Variants in GPAM observed in about 807,000 individuals in gnomAD.
The protein encoded by GPAM is glycerol-3-phosphate acyltransferase 1, mitochondrial.
A neutral mutation model predicts 105.0 loss-of-function variants in GPAM; 56 were observed. The observed-to-expected ratio is 0.53, with a 90% confidence interval of 0.43 to 0.67. The LOEUF is 0.67. Ranked by LOEUF, GPAM falls within the 30% of genes least tolerant of loss-of-function variation. GPAM has a pLI of 0.00. For synonymous variants in GPAM, 368 were observed against 354.4 expected (o/e 1.04, Z -0.43); for missense variants, 855 against 989.8 (o/e 0.86, Z 1.83).
rs1336634969 is a variant in GPAM, at chr10:112,155,739, G to GTAA, written c.2311+122_2311+124dup. On this transcript the variant is annotated intron_variant, in intron 20 of 21. Transcript: ENST00000348367. ...ATATAACATGCCAAAGAAGATAATAGTAATACTCTACGGTGTTAGAGGTCA... is the reference window on the plus strand; with the variant it reads ...ATATAACATGCCAAAGAAGATAATAGTAATAATACTCTACGGTGTTAGAGGTCA... 3 of 638,196 alleles carry GTAA rather than the reference G, an allele frequency of 4.7e-6. No homozygotes were observed. In the African/African-American group the frequency reaches 5.6e-5, roughly 12 times the overall value. The allele number at this position is 638,196 out of a possible 1,614,324, so 39.5% of individuals were successfully genotyped here.
chr10:112,168,907 G>A lies in GPAM; in HGVS notation c.840C>T (p.Leu280=), dbSNP rs1402835901. Residue 280 remains leucine (L), a synonymous_variant, in exon 10 of 22, where the codon CTC becomes CTT. Coordinates refer to ENST00000348367, the MANE Select transcript of GPAM (RefSeq NM_001244949.2). ...KLGGFFIRRR[L]DETPDGRKDV... ...CTTTCCGTCCATCTGGTGTTTCATC[G>A]AGCCTTCGTCGTATGAAGAAGCCCC... 1.1e-5 allele frequency: 17 copies of A among 1,612,252 alleles called. No individual in the cohort carries two copies. In the East Asian group the frequency reaches 2.9e-4, roughly 27 times the overall value.
chr10:112,202,617 A>G (rs1186448886), intron 1 of GPAM, among the ~76,000 whole-genome samples: 1 of 152,224 alleles, frequency 6.6e-6, no homozygotes. Flanking sequence ...TTCCATTCGC[A>G]TTGTAGTTAT....
rs551020802 is a variant in GPAM at position 112,157,562 on chromosome 10, G to A, written c.1981-173C>T. ...CAAACTCAAACTCAGTCAGGAGACA[G>A]CAGGAGACAAAAGAAAGGGCAGGTG... On this transcript the variant is annotated intron_variant, in intron 18 of 21. Coordinates refer to ENST00000348367, the MANE Select transcript of GPAM (RefSeq NM_001244949.2). Among the ~76,000 whole-genome samples, 3 of 152,294 alleles carry A rather than the reference G, an allele frequency of 2.0e-5. 1 individual carries two copies. In the South Asian group the frequency reaches 6.2e-4, roughly 32 times the overall value.
chr10:112,165,353 T>G (rs1847195706), intron 12 of GPAM, among the ~76,000 whole-genome samples: 2 of 152,204 alleles, frequency 1.3e-5, no homozygotes, highest in Admixed American at 6.5e-5. Flanking sequence ...TACTGGATTC[T>G]ACACAATAGG....
chr10:112,177,066 C>T (rs897564436), intron 5 of GPAM, among the ~76,000 whole-genome samples: 6 of 152,010 alleles, frequency 3.9e-5, no homozygotes, highest in African/African-American at 1.2e-4. Flanking sequence ...ACCAAAGTCT[C>T]TCCCCTCTTT....
At chr10:112,175,439 C>G (rs1387178660) in intron 6 of GPAM, among the ~76,000 whole-genome samples, 161 bp downstream of exon 6, 1 of 152,188 alleles carries the variant, frequency 6.6e-6, no homozygotes, top group Admixed American at 6.5e-5. Flanking sequence ...TCCTGCCTTT[C>G]TTTAGTTTCC....
Position 112,168,386 on chromosome 10 carries a change from G to A in GPAM, c.1033C>T (p.Pro345Ser), listed in dbSNP as rs1001831797. 6.2e-7 allele frequency: 1 copy of A among 1,609,838 alleles called. No individual in the cohort carries two copies. Among genetic ancestry groups the A allele is most frequent in the Non-Finnish European group, 8.5e-7 (1 of 1,176,104 alleles). ...VVDTLSTNVI[P>S]DILIIPVGIS... ...CCAACAGGTATTATCAAGATGTCTG[G>A]GATGACATTGGTAGACAGAGTATCT... is the stretch of plus-strand genomic sequence containing the variant. The change falls in exon 11 of 22, where the codon CCA (proline) becomes TCA (serine). Residue 345 changes from proline to serine, a missense_variant. Pro to Ser is a moderately conservative substitution (Grantham distance 74, BLOSUM62 -1). Transcript: ENST00000348367.
At chr10:112,168,597 C>A in intron 10 of GPAM, 73 bp from the exon 11 acceptor site, 2 of 1,062,302 alleles carry the variant, frequency 1.9e-6, no homozygotes, top group Admixed American at 1.8e-5. Context: ...AAAATTAAAT[C>A]TTTAAAAGCA....
In GPAM at chr10:112,163,920, T is replaced by G. The variant is rs1847169834; in HGVS notation, c.1308-104A>C. The G allele has an allele frequency of 4.3e-6, 3 of 705,536 alleles. No individual in the cohort carries two copies. In the Admixed American group the frequency reaches 6.1e-5, roughly 14 times the overall value. 43.7% of individuals were successfully genotyped at this position (705,536 alleles called of 1,614,324 possible). On this transcript the variant is annotated intron_variant, in intron 13 of 21. Coordinates refer to ENST00000348367, the MANE Select transcript of GPAM (RefSeq NM_001244949.2). ...TTAGATACTTTAAATTACTATATAT[T>G]TTAAATTTAAACCACAAACAGATTA...
chr10:112,226,388 GA>G, the GPAM span, among the ~76,000 whole-genome samples: 1 of 152,138 alleles, frequency 6.6e-6, no homozygotes, highest in Non-Finnish European at 1.5e-5. Flanking sequence ...AGGCTGCAGG[GA>G]AGTGTGAGCC....
chr10:112,174,461 C>T (rs563620601), intron 6 of GPAM, among the ~76,000 whole-genome samples: 1 of 152,300 alleles, frequency 6.6e-6, no homozygotes, highest in Non-Finnish European at 1.5e-5. Context: ...ATAAATCTTC[C>T]AGCTGACTTA....
chr10:112,181,158 T>C (rs922380938), intron 3 of GPAM, among the ~76,000 whole-genome samples: 44 of 151,340 alleles, frequency 2.9e-4, no homozygotes, highest in African/African-American at 1.0e-3. Context: ...ATCTCTGTTA[T>C]ACAGATATAA....
intron 17 of GPAM, among the ~76,000 whole-genome samples, chr10:112,158,996 A>G (rs1278446371): frequency 6.6e-6 from 1 of 152,150 alleles, no homozygotes; most frequent in Non-Finnish European, 1.5e-5. Flanking sequence ...CATCTCGTCA[A>G]CATCTCAAGA....
chr10:112,160,182 T>C (rs1010354443), intron 16 of GPAM, 129 bp from the exon 17 acceptor site: 2 of 1,004,770 alleles, frequency 2.0e-6, no homozygotes, highest in Admixed American at 2.1e-5. Context: ...GAAATTTAAG[T>C]AAATCCCATA....
At chr10:112,183,469 A>T (rs1847544972) in intron 1 of GPAM, among the ~76,000 whole-genome samples, 3 of 152,312 alleles carry the variant, frequency 2.0e-5, no homozygotes, top group Admixed American at 2.0e-4. Flanking sequence ...ACCCAGGGGA[A>T]CCCATGCCCC....
At chr10:112,216,019 A>T (rs1847964310), upstream of GPAM, among the ~76,000 whole-genome samples, 1 of 152,168 alleles carries the variant, frequency 6.6e-6, no homozygotes, top group Middle Eastern at 3.2e-3. Flanking sequence ...AAGAAGGTGT[A>T]GGGGCGAATA....
chr10:112,168,646 CTT>C (rs1847260626), intron 10 of GPAM, 122 bp from the exon 11 acceptor site: 1 of 745,376 alleles, frequency 1.3e-6, no homozygotes, highest in African/African-American at 1.7e-5. Flanking sequence ...GACAAAGTAT[CTT>C]ATTCACACTA....
At chr10:112,154,751 G>T in intron 20 of GPAM, 64 bp from the exon 21 acceptor site, 1 of 1,250,334 alleles carries the variant, frequency 8.0e-7, no homozygotes, top group African/African-American at 1.5e-5. Flanking sequence ...AATCCCAGCA[G>T]CCACAGTAAG....
chr10:112,173,964 G>A (rs967990746), intron 6 of GPAM, 119 bp from the exon 7 acceptor site: 28 of 828,878 alleles, frequency 3.4e-5, no homozygotes, highest in Non-Finnish European at 4.9e-5. Flanking sequence ...TTTAAAATGC[G>A]GTAACATGAA....
Sources: allele counts gnomAD v4.1 joint callset (sites outside exome capture counted in the v4.1 genomes callset), GRCh38; gene constraint gnomAD v4.1.1; transcripts MANE v1.5; gene names NCBI Gene and HGNC (gene_info 2026-07-23, HGNC 2026-07-21).